Variants in ARAP3 observed in about 807,000 individuals in gnomAD.
ARAP3 encodes the protein ArfGAP with RhoGAP domain, ankyrin repeat and PH domain 3.
A neutral mutation model predicts 169.2 loss-of-function variants in ARAP3; 82 were observed. The ratio of observed to expected loss-of-function variants is 0.48; its 90% CI spans 0.41 to 0.58. The LOEUF (loss-of-function observed/expected upper bound fraction) is 0.58. Among genes scored for constraint, ARAP3 ranks in the 20% least tolerant of loss-of-function variants. ARAP3 has a pLI of 0.00. For missense variants in ARAP3, 1,764 were observed against 2,018.0 expected (o/e 0.87, Z 2.41); for synonymous variants, 791 against 800.3 (o/e 0.99, Z 0.20).
intron 19 of ARAP3, among the ~76,000 whole-genome samples, chr5:141,662,510 T>C (rs1000567161): frequency 6.6e-6 from 1 of 152,236 alleles, no homozygotes; most frequent in African/African-American, 2.4e-5. Flanking sequence ...TATTTTTAAA[T>C]AGCACTCTCT....
In ARAP3 at chr5:141,672,183, G is replaced by A. The variant is rs976476927; in HGVS notation, c.1504C>T (p.Arg502Trp). Residue 502 changes from arginine (R) to tryptophan (W), a missense_variant, in exon 10 of 33, where the codon CGG becomes TGG. By Grantham distance (101) the Arg-to-Trp change is moderately radical. Transcript: ENST00000239440. This position sits in a 1 kb window ranked among gnomAD's most constrained non-coding sequence, Gnocchi z 4.9. Reference sequence around the variant, plus strand: ...GAGGACCCACAGTCCGCACACTGCCGGTTGGCCCGATTAGACCAGATCTTC... The same window carrying A: ...GAGGACCCACAGTCCGCACACTGCCAGTTGGCCCGATTAGACCAGATCTTC... ...AEKIWSNRAN[R>W]QCADCGSSRP... 12 of 1,614,070 alleles carry A rather than the reference G, an allele frequency of 7.4e-6. No homozygotes were observed. Among genetic ancestry groups the A allele is most frequent in the Middle Eastern group, 1.6e-4 (1 of 6,084 alleles).
intron 32 of ARAP3, among the ~76,000 whole-genome samples, chr5:141,655,137 C>T (rs557931190): frequency 8.0e-5 from 12 of 150,890 alleles, no homozygotes; most frequent in South Asian, 4.2e-4. Flanking sequence ...CCCTTTTCCT[C>T]GCTCTCCCTC....
chr5:141,679,267 C>A (rs1309316575), intron 4 of ARAP3, among the ~76,000 whole-genome samples: 1 of 152,106 alleles, frequency 6.6e-6, no homozygotes, highest in Non-Finnish European at 1.5e-5. Context: ...CCAATCTGGG[C>A]AACAAGGCAA....
chr5:141,679,696 C>T (rs368980919), intron 3 of ARAP3, 40 bp from the exon 4 acceptor site: 91 of 1,613,580 alleles, frequency 5.6e-5, no homozygotes, highest in Non-Finnish European at 7.5e-5. Context: ...AAGAGGAGAT[C>T]GCTGGGAGTG....
intron 4 of ARAP3, among the ~76,000 whole-genome samples, chr5:141,674,762 T>G (rs989331820): frequency 6.6e-6 from 1 of 152,200 alleles, no homozygotes; most frequent in Non-Finnish European, 1.5e-5. Flanking sequence ...TCAATATGTC[T>G]TGACTCTTTG....
chr5:141,659,947 C>A, intron 21 of ARAP3, 21 bp from the exon 22 acceptor site: 2 of 1,540,128 alleles, frequency 1.3e-6, no homozygotes, highest in South Asian at 1.2e-5. Context: ...GTGCCACGGT[C>A]TTCATCAGTG....
chr5:141,674,942 T>C (rs932889587), intron 4 of ARAP3, among the ~76,000 whole-genome samples: 2 of 152,308 alleles, frequency 1.3e-5, no homozygotes, highest in East Asian at 3.9e-4. Context: ...ATGAGACCAT[T>C]TTACTCCCTT....
intron 32 of ARAP3, 109 bp downstream of exon 32, chr5:141,655,253 C>CACACAG: frequency 8.4e-7 from 1 of 1,193,380 alleles, no homozygotes; most frequent in Non-Finnish European, 1.2e-6. Flanking sequence ...CACACACACA[C>CACACAG]ACACACCCCC....
At chr5:141,664,100 A>G (rs2099910333) in intron 19 of ARAP3, among the ~76,000 whole-genome samples, 2 of 152,098 alleles carry the variant, frequency 1.3e-5, no homozygotes, top group Admixed American at 1.3e-4. Context: ...AAAACTTACA[A>G]AGGGCCAGGT....
chr5:141,672,935 A>G lies in ARAP3; in HGVS notation c.1094-10T>C. ...CACATGTCCCGCTGAGCTGGTGGGGATGGAGAAGCAGGTCAGTGGCTGTTG... is the reference window on the plus strand; with the variant it reads ...CACATGTCCCGCTGAGCTGGTGGGGGTGGAGAAGCAGGTCAGTGGCTGTTG... On this transcript the variant is annotated splice_polypyrimidine_tract_variant and intron_variant, in intron 7 of 32. Coordinates refer to ENST00000239440, the MANE Select transcript of ARAP3 (RefSeq NM_022481.6). This position sits in a 1 kb window ranked among gnomAD's most constrained non-coding sequence, Gnocchi z 4.9. The G allele has an allele frequency of 6.2e-7, 1 of 1,611,846 alleles. No homozygotes were observed. Among genetic ancestry groups the G allele is most frequent in the Non-Finnish European group, 8.5e-7 (1 of 1,178,708 alleles).
chr5:141,658,723 C>T lies in ARAP3; in HGVS notation c.3337-70G>A, dbSNP rs909039922. 3.1e-5 allele frequency: 41 copies of T among 1,335,844 alleles called. No individual in the cohort carries two copies. The Admixed American group carries it at 1.1e-3, about 37-fold the overall frequency. The allele number at this position is 1,335,844 out of a possible 1,614,324, so 82.7% of individuals were successfully genotyped here. ...AAAAGACATCAAAGTCAGAGGGTTC[C>T]TCGTGTTGCCTCATAAGTGACTCTT... On this transcript the variant is annotated intron_variant, in intron 23 of 32. Coordinates refer to ENST00000239440, the MANE Select transcript of ARAP3 (RefSeq NM_022481.6).
chr5:141,665,441 A>C (rs1189155841), intron 17 of ARAP3, 67 bp from the exon 18 acceptor site: 17 of 1,541,190 alleles, frequency 1.1e-5, no homozygotes, highest in Non-Finnish European at 1.5e-5. Flanking sequence ...TATTTATTAA[A>C]TGCTTAACGT....
intron 6 of ARAP3, 21 bp from the exon 7 acceptor site, chr5:141,673,154 G>A: frequency 6.2e-7 from 1 of 1,614,036 alleles, no homozygotes; most frequent in African/African-American, 1.3e-5. Context: ...AGAGCTCAAT[G>A]ACCCATGAGG....
intron 16 of ARAP3, among the ~76,000 whole-genome samples, chr5:141,667,217 T>C (rs2099910776): frequency 6.6e-6 from 1 of 152,054 alleles, no homozygotes; most frequent in African/African-American, 2.4e-5. Flanking sequence ...TCATTCTTTA[T>C]AGCCAAAAAT....
At position 141,670,533 on chromosome 5, in the gene ARAP3, G is replaced by C. The variant is rs1230022777; in HGVS notation, c.2086C>G (p.Pro696Ala). The C allele has an allele frequency of 1.2e-6, 2 of 1,614,064 alleles. No homozygotes were observed. Among genetic ancestry groups the C allele is most frequent in the Admixed American group, 3.3e-5 (2 of 60,010 alleles). Residue 696 changes from proline to alanine, a missense_variant, in exon 14 of 33, where the codon CCC (proline) becomes GCC (alanine). Physicochemically the swap from Pro to Ala is conservative, Grantham distance 27. This residue lies in a region of ARAP3 where 1,112 missense variants were observed against 1,285.7 expected (regional missense o/e 0.86). Transcript: ENST00000239440. ...SPVSNKAGPS[P>A]PRRGRDAPPR... ...TCACCATCCCGGCCCCTGCGAGGGG[G>C]TGAGGGTCCAGCTTTGTTGCTGACG...
rs370150275 is a variant in ARAP3 at position 141,656,700 on chromosome 5, C to T, written c.3655+18G>A. The T allele has an allele frequency of 5.5e-5, 88 of 1,612,644 alleles. No homozygotes were observed. The highest frequency in any genetic ancestry group is 1.4e-5 in the Non-Finnish European group (16 of 1,179,516). On this transcript the variant is annotated intron_variant, in intron 26 of 32. Transcript: ENST00000239440. The stretch of plus-strand genomic sequence containing the variant: ...GGGGAGAGACCTGGGGGATGCTGGG[C>T]AGAGGAAGGAGGCTCACCTGTGAAG...
chr5:141,662,120 G>A lies in ARAP3; in HGVS notation c.2936C>T (p.Thr979Ile), dbSNP rs918424775. Residue 979 changes from threonine (T) to isoleucine (I), a missense_variant, in exon 20 of 33, where the codon ACA becomes ATA. By Grantham distance (89) the Thr-to-Ile change is moderately conservative. Coordinates refer to ENST00000239440, the MANE Select transcript of ARAP3 (RefSeq NM_022481.6). ...GAGCTCACGAAAGAAGCGTTTGAGT[G>A]TGTCAGTGACATCCTCCACAAAGTG... ...GEHFVEDVTD[T>I]LKRFFRELDD... 3 of 1,614,106 alleles carry A rather than the reference G, an allele frequency of 1.9e-6. No homozygotes were observed. Among genetic ancestry groups the A allele is most frequent in the African/African-American group, 2.7e-5 (2 of 74,918 alleles).
intron 4 of ARAP3, among the ~76,000 whole-genome samples, chr5:141,678,540 CCT>C (rs2099912519): frequency 6.6e-6 from 1 of 152,016 alleles, no homozygotes; most frequent in African/African-American, 2.4e-5. Flanking sequence ...GCCCCCAAGC[CCT>C]CTTTTTTTTT....
At chr5:141,673,181 G>A (rs1223507319) in intron 6 of ARAP3, 48 bp from the exon 7 acceptor site, 2 of 1,612,286 alleles carry the variant, frequency 1.2e-6, no homozygotes, top group African/African-American at 1.3e-5. Context: ...ACTGAGCCAT[G>A]TGTGCCAGCC....
Sources: gnomAD v4.1 joint callset for allele counts (sites outside exome capture counted in the v4.1 genomes callset) on GRCh38, gnomAD v4.1.1 for gene constraint, gnomAD v4.1.1 regional missense constraint, Gnocchi (gnomAD v3.1) non-coding constraint, MANE v1.5 for transcripts, NCBI Gene and HGNC (gene_info 2026-07-23, HGNC 2026-07-21) for gene names.